OR5D3: variants seen among roughly 807,000 people sequenced by gnomAD.
OR5D3 encodes olfactory receptor family 5 subfamily D member 3.
chr11:55,726,589 G>A, the OR5D3 span: 1 of 404,388 alleles, frequency 2.5e-6, no homozygotes, highest in Non-Finnish European at 4.4e-6. Context: ...ATTTGTGGCA[G>A]TGTGTAACCC....
At chr11:55,727,965 A>G in the OR5D3 span, 1 of 152,084 alleles carries the variant, frequency 6.6e-6, no homozygotes, top group Non-Finnish European at 1.5e-5. Flanking sequence ...TTAGTTATGT[A>G]TTGATAAAAG....
At chr11:55,724,792 T>A in the OR5D3 span, among the ~76,000 whole-genome samples, 1 of 152,152 alleles carries the variant, frequency 6.6e-6, no homozygotes, top group Admixed American at 6.5e-5. Flanking sequence ...GACTGGGAAA[T>A]ACAGTCATAA....
At chr11:55,727,306 A>G in the OR5D3 span, 2 of 388,794 alleles carry the variant, frequency 5.1e-6, no homozygotes, top group African/African-American at 4.1e-5. Context: ...AGTTATAAAT[A>G]CTGTAAGTAT....
chr11:55,723,797 C>T, the OR5D3 span: 3 of 342,614 alleles, frequency 8.8e-6, no homozygotes, highest in Non-Finnish European at 1.6e-5. Flanking sequence ...GCCTTGGGGG[C>T]AAATATTTGT....
the OR5D3 span, chr11:55,727,459 G>T: frequency 5.7e-6 from 1 of 176,524 alleles, no homozygotes; most frequent in East Asian, 1.4e-4. Context: ...TTTTTGAGAT[G>T]ATCTGAAGAA....
the OR5D3 span, chr11:55,727,561 A>T: frequency 6.6e-6 from 1 of 152,504 alleles, no homozygotes; most frequent in African/African-American, 2.4e-5. Context: ...AAATAATTAC[A>T]ATTAATTCTG....
the OR5D3 span, chr11:55,727,035 C>G: frequency 2.5e-6 from 1 of 402,904 alleles, no homozygotes; most frequent in Non-Finnish European, 4.4e-6. Context: ...TCAAGGTGGC[C>G]TCTGTCTTTT....
chr11:55,726,043 T>G, the OR5D3 span, among the ~76,000 whole-genome samples: 1 of 152,094 alleles, frequency 6.6e-6, no homozygotes, highest in South Asian at 2.1e-4. Context: ...CACCTTGTAA[T>G]TTTTATATAA....
the OR5D3 span, chr11:55,726,093 G>A: frequency 0.19 from 76,636 of 396,316 alleles, 7,751 homozygotes; most frequent in Admixed American, 0.21. Context: ...TGGAAACCTA[G>A]AATTTTCAGC....
chr11:55,727,366 CA>C, the OR5D3 span: 1 of 330,216 alleles, frequency 3.0e-6, no homozygotes, highest in Non-Finnish European at 5.4e-6. Context: ...TATTGTAATA[CA>C]AAAGTTTTTG....
the OR5D3 span, chr11:55,728,252 G>A: frequency 2.7e-4 from 19 of 71,332 alleles, 1 homozygote; most frequent in African/African-American, 7.8e-4. Flanking sequence ...CATTTTATGA[G>A]TCAGAGAAAA....
chr11:55,725,470 G>C, the OR5D3 span, among the ~76,000 whole-genome samples: 22 of 152,078 alleles, frequency 1.4e-4, 1 homozygote, highest in African/African-American at 5.3e-4. Flanking sequence ...TCACCTACCT[G>C]TCTTCTGAGA....
At chr11:55,729,288 T>C in the OR5D3 span, 1 of 150,900 alleles carries the variant, frequency 6.6e-6, no homozygotes, top group Non-Finnish European at 1.5e-5. Flanking sequence ...TCATATTAAG[T>C]GATAGCTATG....
chr11:55,724,611 T>G, the OR5D3 span, among the ~76,000 whole-genome samples: 7 of 152,220 alleles, frequency 4.6e-5, no homozygotes, highest in South Asian at 8.3e-4. Flanking sequence ...GTAATGAGAT[T>G]GAGTATCTAG....
chr11:55,729,362 G>C, the OR5D3 span: 1 of 151,766 alleles, frequency 6.6e-6, no homozygotes, highest in Non-Finnish European at 1.5e-5. Context: ...GGATACAGTA[G>C]GTATAAATGT....
the OR5D3 span, among the ~76,000 whole-genome samples, chr11:55,725,124 C>T: frequency 6.6e-6 from 1 of 152,008 alleles, no homozygotes; most frequent in Non-Finnish European, 1.5e-5. Context: ...TCTGAAACCA[C>T]ACTAATTAGC....
the OR5D3 span, chr11:55,728,348 A>T: frequency 6.6e-6 from 1 of 152,136 alleles, no homozygotes; most frequent in South Asian, 2.1e-4. Context: ...TGATGGGTAC[A>T]GGGAGAAATG....
At chr11:55,724,361 G>A in the OR5D3 span, among the ~76,000 whole-genome samples, 5 of 152,018 alleles carry the variant, frequency 3.3e-5, no homozygotes, top group Admixed American at 6.6e-5. Flanking sequence ...GGAGATAAGC[G>A]AGACTAATAA....
chr11:55,725,518 A>G, the OR5D3 span, among the ~76,000 whole-genome samples: 4 of 152,230 alleles, frequency 2.6e-5, no homozygotes, highest in African/African-American at 9.6e-5. Flanking sequence ...TTCATTTAAA[A>G]TTACTTCAAC....
Sources: gnomAD v4.1 joint callset for allele counts (sites outside exome capture counted in the v4.1 genomes callset) on GRCh38, gnomAD v4.1.1 for gene constraint, MANE v1.5 for transcripts, NCBI Gene and HGNC (gene_info 2026-07-23, HGNC 2026-07-21) for gene names.